CNTNAP2: variants seen among roughly 807,000 people sequenced by gnomAD.
CNTNAP2 encodes contactin associated protein 2.
In CNTNAP2, 98 loss-of-function variants were observed where a neutral mutation model predicts 155.2. That is an observed-to-expected ratio of 0.63 (90% confidence interval 0.54 to 0.75). CNTNAP2 has a LOEUF of 0.75. Ranked by LOEUF, CNTNAP2 falls within the 30% of genes least tolerant of loss-of-function variation. The pLI is 0.00. For synonymous variants in CNTNAP2, 651 were observed against 631.2 expected, an observed-to-expected ratio of 1.03 and a Z score of -0.47; for missense variants, 1,727 against 1,688.1, an observed-to-expected ratio of 1.02 and a Z score of -0.40.
intron 8 of CNTNAP2, among the ~76,000 whole-genome samples, chr7:147,163,529 G>A (rs948033270): frequency 6.6e-6 from 1 of 152,004 alleles, no homozygotes; most frequent in African/African-American, 2.4e-5. Context: ...TATGGTTTGG[G>A]AACAACTACA....
chr7:148,277,586 ACCGC>A (rs1171107190), intron 21 of CNTNAP2, among the ~76,000 whole-genome samples: 3 of 140,076 alleles, frequency 2.1e-5, no homozygotes, highest in Non-Finnish European at 3.1e-5. Flanking sequence ...TTAGTACAGG[ACCGC>A]CCCCCACCAC....
Position 146,896,561 on chromosome 7 carries a change from C to A in CNTNAP2, c.402+56657C>A, listed in dbSNP as rs138608778. ...TATGTCTTTATAAATAGAATCAATACAATTTTGTTGGCTGATCAACAAACC... is the reference window on the plus strand; with the variant it reads ...TATGTCTTTATAAATAGAATCAATAAAATTTTGTTGGCTGATCAACAAACC... On this transcript the variant is annotated intron_variant, in intron 3 of 23. Coordinates refer to ENST00000361727, the MANE Select transcript of CNTNAP2 (RefSeq NM_014141.6). Among the ~76,000 whole-genome samples the A allele has an allele frequency of 3.5e-3, 537 of 152,146 alleles. 7 individuals carry two copies. Among genetic ancestry groups the A allele is most frequent in the African/African-American group, 0.012 (515 of 41,522 alleles).
chr7:148,173,800 C>T (rs1794878912), intron 18 of CNTNAP2, among the ~76,000 whole-genome samples: 1 of 152,208 alleles, frequency 6.6e-6, no homozygotes, highest in Admixed American at 6.5e-5. Flanking sequence ...GTGCTTGATG[C>T]TAATTTAATG....
intron 1 of CNTNAP2, among the ~76,000 whole-genome samples, chr7:146,287,305 T>G (rs1800351819): frequency 2.0e-5 from 3 of 151,536 alleles, no homozygotes; most frequent in Admixed American, 2.0e-4. Context: ...TGGAAATATC[T>G]CTTCAAAGTA....
At chr7:148,033,593 C>T (rs10952728) in intron 15 of CNTNAP2, among the ~76,000 whole-genome samples, 38,397 of 152,108 alleles carry the variant, frequency 0.25, 5,630 homozygotes, top group East Asian at 0.48. Flanking sequence ...CTGAGCAAGA[C>T]AACCTCCTTT....
intron 9 of CNTNAP2, chr7:147,378,039 C>T (rs1796468077): frequency 2.1e-6 from 1 of 467,610 alleles, no homozygotes; most frequent in Non-Finnish European, 4.4e-6. Context: ...TAATATTGTT[C>T]CAAAAGTAAT....
At chr7:147,374,694 A>G (rs527736564) in intron 9 of CNTNAP2, among the ~76,000 whole-genome samples, 31 of 151,808 alleles carry the variant, frequency 2.0e-4, no homozygotes, top group Non-Finnish European at 3.4e-4. Context: ...CCAGAGGAGG[A>G]GCCGGTAGTC....
At chr7:148,413,392 C>CAAAAAAAA (rs1184055556) in intron 23 of CNTNAP2, among the ~76,000 whole-genome samples, 20 of 1,646 alleles carry the variant, frequency 0.012, 3 homozygotes, top group African/African-American at 0.019. Context: ...AACTCCGTCT[C>CAAAAAAAA]AAAAAAAAAA....
intron 3 of CNTNAP2, among the ~76,000 whole-genome samples, chr7:146,991,891 G>A (rs1798214802): frequency 6.6e-6 from 1 of 152,142 alleles, no homozygotes; most frequent in South Asian, 2.1e-4. Context: ...CTTTACAAGA[G>A]TTCGCTAAGA....
chr7:148,234,535 T>C (rs1201212490), intron 20 of CNTNAP2, among the ~76,000 whole-genome samples: 2 of 152,206 alleles, frequency 1.3e-5, no homozygotes, highest in Non-Finnish European at 2.9e-5. Flanking sequence ...TGGGCCCCAA[T>C]AAAAGTCAGA....
chr7:146,650,220 A>T (rs975397353), intron 1 of CNTNAP2, among the ~76,000 whole-genome samples: 1 of 152,202 alleles, frequency 6.6e-6, no homozygotes, highest in African/African-American at 2.4e-5. Context: ...ATTATAAATC[A>T]TTCTACTATA....
At chr7:147,395,431 C>T (rs552254507) in intron 9 of CNTNAP2, among the ~76,000 whole-genome samples, 178 bp from the exon 10 acceptor site, 1 of 152,112 alleles carries the variant, frequency 6.6e-6, no homozygotes, top group East Asian at 1.9e-4. Flanking sequence ...ACTTCTTCCT[C>T]TGTAATAATC....
At chr7:146,642,202 C>A (rs1799721174) in intron 1 of CNTNAP2, among the ~76,000 whole-genome samples, 2 of 151,202 alleles carry the variant, frequency 1.3e-5, no homozygotes, top group South Asian at 4.2e-4. Flanking sequence ...TACATGTGCA[C>A]AATGTGCAGG....
intron 12 of CNTNAP2, among the ~76,000 whole-genome samples, chr7:147,626,923 C>T (rs375241102): frequency 4.6e-5 from 7 of 152,202 alleles, no homozygotes; most frequent in South Asian, 2.1e-4. Context: ...TACCTCACTT[C>T]GCTGCCACCT....
chr7:148,025,119 C>T (rs1291681754), intron 15 of CNTNAP2, among the ~76,000 whole-genome samples: 1 of 152,172 alleles, frequency 6.6e-6, no homozygotes, highest in Non-Finnish European at 1.5e-5. Flanking sequence ...CTGAATTCTG[C>T]TAAGATATAT....
chr7:147,311,614 G>T (rs902783020), intron 9 of CNTNAP2, among the ~76,000 whole-genome samples: 1 of 152,124 alleles, frequency 6.6e-6, no homozygotes, highest in Non-Finnish European at 1.5e-5. Flanking sequence ...GTAGCCACAA[G>T]TCATTTGGTA....
At position 148,330,409 on chromosome 7, in the gene CNTNAP2, G is replaced by A. The variant is rs927720661; in HGVS notation, c.3476-53240G>A. Among the ~76,000 whole-genome samples, 59 of 151,092 alleles carry A rather than the reference G, an allele frequency of 3.9e-4. 2 individuals carry two copies. Among genetic ancestry groups the A allele is most frequent in the African/African-American group, 1.2e-3 (51 of 40,836 alleles). On this transcript the variant is annotated intron_variant, in intron 21 of 23. Transcript: ENST00000361727. ...GACGGATAGAGTGGAGGGATGGAGT[G>A]GACAGATGGATGGAGTGGACGGATG...
intron 1 of CNTNAP2, among the ~76,000 whole-genome samples, chr7:146,258,171 C>T (rs919032599): frequency 6.6e-6 from 1 of 152,118 alleles, no homozygotes; most frequent in Non-Finnish European, 1.5e-5. Context: ...AGATTACAGG[C>T]GTGGGCCACC....
At chr7:147,647,826 G>T (rs1795392079) in intron 13 of CNTNAP2, among the ~76,000 whole-genome samples, 1 of 152,118 alleles carries the variant, frequency 6.6e-6, no homozygotes, top group African/African-American at 2.4e-5. Context: ...CCTATAATTG[G>T]GAAGCTAAGG....
Sources: allele counts gnomAD v4.1 joint callset (sites outside exome capture counted in the v4.1 genomes callset), GRCh38; gene constraint gnomAD v4.1.1; transcripts MANE v1.5; gene names NCBI Gene and HGNC (gene_info 2026-07-23, HGNC 2026-07-21).